Variants in UBA2 observed in about 807,000 individuals in gnomAD.
UBA2 encodes SUMO-activating enzyme subunit 2.
Under a neutral mutation model 77.2 loss-of-function variants are expected in UBA2, and 11 were observed. The observed-to-expected ratio is 0.14, with a 90% CI of 0.09 to 0.24. The LOEUF is 0.24. Ranked by LOEUF, UBA2 falls within the 10% of genes least tolerant of loss-of-function variation. UBA2 has a pLI of 1.00. For missense variants in UBA2, 487 were observed against 781.7 expected (o/e 0.62, Z 4.50); for synonymous variants, 278 against 276.7 (o/e 1.00, Z -0.05).
chr19:34,432,646 C>A (rs2075268259), intron 3 of UBA2, among the ~76,000 whole-genome samples: 1 of 152,148 alleles, frequency 6.6e-6, no homozygotes, highest in East Asian at 1.9e-4. Flanking sequence ...CAACCTCCGC[C>A]TCCTGGGTTC....
chr19:34,443,915 A>G lies in UBA2; in HGVS notation c.649+4A>G. On this transcript the variant is annotated splice_donor_region_variant and intron_variant, in intron 7 of 16. Transcript: ENST00000246548. ...AGAGCTGACCCTGAAGCTGCCTGTG[A>G]GTAAATTATTTGGCATATGTTTTAT... 5.0e-6 allele frequency: 8 copies of G among 1,597,174 alleles called. No homozygotes were observed. The highest frequency in any genetic ancestry group is 5.2e-6 in the Non-Finnish European group (6 of 1,164,994).
intron 7 of UBA2, among the ~76,000 whole-genome samples, 156 bp downstream of exon 7, chr19:34,444,067 T>TTTTTTTC (rs1568373261): frequency 8.7e-6 from 1 of 115,578 alleles, no homozygotes; most frequent in Non-Finnish European, 1.9e-5. Context: ...TTTTTTTTTT[T>TTTTTTTC]TGTCTCAGAG....
downstream of UBA2, chr19:34,471,251 A>AT (rs1175151225): frequency 1.3e-5 from 2 of 152,144 alleles, no homozygotes; most frequent in Non-Finnish European, 2.9e-5. Flanking sequence ...TTTCTAATTC[A>AT]TGTATTGTTC....
intron 14 of UBA2, 70 bp from the exon 15 acceptor site, chr19:34,463,955 CT>C (rs1480804488): frequency 8.8e-7 from 1 of 1,141,720 alleles, no homozygotes; most frequent in Non-Finnish European, 1.3e-6. Context: ...AGAGGTTTAG[CT>C]TTTTAAAAAA....
At position 34,466,939 on chromosome 19, in the gene UBA2, C is replaced by A. The variant is rs2075694452; in HGVS notation, c.1666C>A (p.Pro556Thr). Residue 556 changes from proline (P) to threonine (T), a missense_variant, in exon 16 of 17, where the codon CCC becomes ACC. Coordinates refer to ENST00000246548, the MANE Select transcript of UBA2 (RefSeq NM_005499.3). ...VVGDAPEKVG[P>T]KQAEDAAKSI... ...TGGTGATGCCCCGGAAAAAGTGGGG[C>A]CCAAACAAGCTGAAGATGCTGCCAA... The A allele has an allele frequency of 1.9e-6, 3 of 1,613,768 alleles. No homozygotes were observed. The highest frequency in any genetic ancestry group is 1.7e-4 in the Middle Eastern group (1 of 5,984).
chr19:34,444,652 T>C (rs140619455), intron 7 of UBA2, among the ~76,000 whole-genome samples: 1,707 of 152,162 alleles, frequency 0.011, 63 homozygotes, highest in Admixed American at 0.076. Flanking sequence ...ACAAAAAATA[T>C]AAAAATTAGC....
chr19:34,431,881 G>A lies in UBA2; in HGVS notation c.243G>A (p.Leu81=), dbSNP rs889341758. ...SKAQVAKESV[L]QFYPKANIVA... ...TCCAGGTTGCCAAGGAAAGTGTACT[G>A]CAGTTTTACCCGAAAGCTAATATCG... Residue 81 remains leucine (L), a synonymous_variant, in exon 3 of 17, where the codon CTG becomes CTA. Transcript: ENST00000246548. 1 of 1,613,826 alleles carries A rather than the reference G, an allele frequency of 6.2e-7. No individual in the cohort carries two copies. Among genetic ancestry groups the A allele is most frequent in the Non-Finnish European group, 8.5e-7 (1 of 1,179,922 alleles).
intron 2 of UBA2, among the ~76,000 whole-genome samples, chr19:34,431,554 T>A (rs2075255884): frequency 6.6e-6 from 1 of 152,178 alleles, no homozygotes; most frequent in African/African-American, 2.4e-5. Flanking sequence ...TAAATACTTG[T>A]TAAGTGAATG....
intron 9 of UBA2, among the ~76,000 whole-genome samples, chr19:34,450,704 GA>G (rs1273898366): frequency 3.5e-5 from 5 of 142,164 alleles, no homozygotes; most frequent in Non-Finnish European, 6.1e-5. Context: ...TATTTTCCCT[GA>G]AATAAAGTTT....
In UBA2 at chr19:34,428,429, C is replaced by T. The variant is rs774799787; in HGVS notation, c.-4C>T. 1.5e-5 allele frequency: 19 copies of T among 1,262,432 alleles called. No homozygotes were observed. Among genetic ancestry groups the T allele is most frequent in the South Asian group, 3.7e-5 (1 of 26,760 alleles). The allele number at this position is 1,262,432 out of a possible 1,614,324, so 78.2% of individuals were successfully genotyped here. On this transcript the variant is annotated 5_prime_UTR_variant, in exon 1 of 17. Transcript: ENST00000246548. ...CCTCCGCCGCGGCTCGTGGTTGTCC[C>T]GCCATGGCACTGTCGCGGGGGCTGC...
chr19:34,447,535 C>T (rs1166926813), intron 8 of UBA2, among the ~76,000 whole-genome samples: 1 of 152,236 alleles, frequency 6.6e-6, no homozygotes, highest in African/African-American at 2.4e-5. Context: ...CCAGAAAAAT[C>T]TGAAGTGCAT....
intron 6 of UBA2, among the ~76,000 whole-genome samples, chr19:34,440,475 C>CAG (rs1255391986): frequency 6.6e-6 from 1 of 152,140 alleles, no homozygotes; most frequent in Non-Finnish European, 1.5e-5. Flanking sequence ...TAGCTAAACT[C>CAG]TCCCTGAGAA....
intron 1 of UBA2, chr19:34,428,828 C>T: frequency 2.6e-6 from 3 of 1,147,182 alleles, no homozygotes; most frequent in Non-Finnish European, 3.2e-6. Flanking sequence ...CCGGCAGCGC[C>T]AATGTGTGGC....
At chr19:34,451,536 GTTTTTTTTTTTTTTTT>G (rs773178552) in intron 9 of UBA2, among the ~76,000 whole-genome samples, 1 of 62,944 alleles carries the variant, frequency 1.6e-5, no homozygotes, top group Non-Finnish European at 2.9e-5. Context: ...AGGTTTAACA[GTTTTTTTTTTTTTTTT>G]TTTTTTTTTT....
At chr19:34,463,023 G>C (rs2075648635) in intron 14 of UBA2, among the ~76,000 whole-genome samples, 1 of 152,026 alleles carries the variant, frequency 6.6e-6, no homozygotes, top group South Asian at 2.1e-4. Flanking sequence ...CCTGAACCTG[G>C]GAGGTGGAGG....
chr19:34,452,811 A>C (rs988744739), intron 10 of UBA2, among the ~76,000 whole-genome samples: 2 of 152,204 alleles, frequency 1.3e-5, no homozygotes, highest in African/African-American at 2.4e-5. Flanking sequence ...ACCTAAGAAA[A>C]ATTTGTGTGT....
chr19:34,433,381 T>C lies in UBA2; in HGVS notation c.327T>C (p.Phe109=). The C allele has an allele frequency of 3.7e-6, 6 of 1,612,324 alleles. No homozygotes were observed. Among genetic ancestry groups the C allele is most frequent in the Non-Finnish European group, 5.1e-6 (6 of 1,178,802 alleles). The part of the protein sequence containing the change: ...PDYNVEFFRQ[F]ILVMNALDNR... ...ATAATGTGGAATTTTTCCGACAGTT[T>C]ATACTGGTTATGAATGCTTTAGATA... Residue 109 remains phenylalanine, a synonymous_variant, in exon 4 of 17, where the codon TTT becomes TTC. Transcript: ENST00000246548.
intron 9 of UBA2, among the ~76,000 whole-genome samples, chr19:34,451,278 G>A (rs978000637): frequency 6.6e-6 from 1 of 152,098 alleles, no homozygotes; most frequent in Non-Finnish European, 1.5e-5. Flanking sequence ...TTTATGCACA[G>A]CAGTATAGCA....
chr19:34,445,140 A>G lies in UBA2; in HGVS notation c.771+19A>G. On this transcript the variant is annotated intron_variant, in intron 8 of 16. Coordinates refer to ENST00000246548, the MANE Select transcript of UBA2 (RefSeq NM_005499.3). The stretch of plus-strand genomic sequence containing the variant: ...TACCAAGGTTAGATTTACTTTTTTT[A>G]TAATCATGGATAGATGTATTGTTGT... 6.2e-7 allele frequency: 1 copy of G among 1,603,170 alleles called. No homozygotes were observed. The highest frequency in any genetic ancestry group is 8.5e-7 in the Non-Finnish European group (1 of 1,174,088).
Sources: allele counts gnomAD v4.1 joint callset (sites outside exome capture counted in the v4.1 genomes callset), GRCh38; gene constraint gnomAD v4.1.1; transcripts MANE v1.5; gene names NCBI Gene and HGNC (gene_info 2026-07-23, HGNC 2026-07-21).